Variants in SKOR2 observed in about 807,000 individuals in gnomAD.
The protein encoded by SKOR2 is SKI family transcriptional corepressor 2.
SKOR2 carries 47 observed loss-of-function variants against 69.1 expected under a neutral mutation model. That is an observed-to-expected ratio of 0.68 (90% CI 0.54 to 0.87). The LOEUF is 0.87. SKOR2 is among the 40% of genes least tolerant of loss of function. The pLI is 0.00. For synonymous variants in SKOR2, 717 were observed against 672.6 expected, an observed-to-expected ratio of 1.07 and a Z score of -1.02; for missense variants, 1,404 against 1,472.2, an observed-to-expected ratio of 0.95 and a Z score of 0.76.
intron 7 of SKOR2, among the ~76,000 whole-genome samples, chr18:47,217,381 T>C (rs1206248413): frequency 2.0e-5 from 3 of 152,228 alleles, no homozygotes; most frequent in Admixed American, 6.5e-5. Flanking sequence ...TAATGAACTA[T>C]ATGGGATGGG....
In SKOR2 at chr18:47,246,764, G is replaced by C. The variant is rs1289731580; in HGVS notation, c.2420C>G (p.Ala807Gly). The C allele has an allele frequency of 1.4e-6, 2 of 1,403,840 alleles. No individual in the cohort carries two copies. The highest frequency in any genetic ancestry group is 1.8e-6 in the Non-Finnish European group (2 of 1,088,950). The allele number at this position is 1,403,840 out of a possible 1,614,324, so 87.0% of individuals were successfully genotyped here. A position where few individuals can be genotyped will look rare whatever the true frequency, so the allele number is the denominator to read the frequency against. ...GSSRDRAPAV[A>G]GAFPLGLNSS... Reference sequence around the variant, plus strand: ...GTTCAGGCCGAGCGGGAACGCGCCCGCGACGGCCGGCGCGCGGTCCCGGCT... The same window carrying C: ...GTTCAGGCCGAGCGGGAACGCGCCCCCGACGGCCGGCGCGCGGTCCCGGCT... The change falls in exon 2 of 9, where the codon GCG (alanine) becomes GGG (glycine). Residue 807 changes from alanine to glycine, a missense_variant. By Grantham distance (60) the Ala-to-Gly change is moderately conservative. Coordinates refer to ENST00000425639, the MANE Select transcript of SKOR2 (RefSeq NM_001278063.4).
In SKOR2 at chr18:47,246,624, G is replaced by GGCT. The variant is rs1247298187; in HGVS notation, c.2557_2559dup (p.Ser853dup). 7 of 1,522,274 alleles carry GGCT rather than the reference G, an allele frequency of 4.6e-6. No individual in the cohort carries two copies. Among genetic ancestry groups the GGCT allele is most frequent in the Non-Finnish European group, 6.1e-6 (7 of 1,141,480 alleles). 94.3% of individuals were successfully genotyped at this position (1,522,274 alleles called of 1,614,324 possible). On this transcript the variant is annotated inframe_insertion, in exon 2 of 9. Transcript: ENST00000425639. Reference sequence around the variant, plus strand: ...GATGGATGGTGAACTGGGCTGCCCGGGCTGCTGCTGCCGCCGCCACTCGCC... The same window carrying GGCT: ...GATGGATGGTGAACTGGGCTGCCCGGGCTGCTGCTGCTGCCGCCGCCACTCGCC...
At chr18:47,230,880 C>T (rs774645895) in intron 5 of SKOR2, 55 bp downstream of exon 5, 29 of 1,490,248 alleles carry the variant, frequency 1.9e-5, no homozygotes, top group Non-Finnish European at 2.4e-5. Flanking sequence ...CTCCTATTAT[C>T]TCCACAGTCG....
In SKOR2 at chr18:47,210,387, T is replaced by A. The variant is rs181372476; in HGVS notation, c.*3+1699A>T. The stretch of plus-strand genomic sequence containing the variant: ...CCCTGAGTGAGTGCAATTCACTGAG[T>A]TTTGATTCGTAAACCTCATGATTTG... On this transcript the variant is annotated intron_variant, in intron 8 of 8. Transcript: ENST00000425639. Among the ~76,000 whole-genome samples, 58 of 152,246 alleles carry A rather than the reference T, an allele frequency of 3.8e-4. No individual in the cohort carries two copies. The East Asian group carries it at 8.9e-3, about 23-fold the overall frequency.
intron 7 of SKOR2, among the ~76,000 whole-genome samples, chr18:47,215,559 T>A (rs2064141464): frequency 1.3e-5 from 2 of 152,174 alleles, no homozygotes. Flanking sequence ...CCTGTGACGA[T>A]GCACTGCACT....
chr18:47,220,854 A>G (rs1317539770), intron 6 of SKOR2, among the ~76,000 whole-genome samples: 1 of 152,142 alleles, frequency 6.6e-6, no homozygotes, highest in Non-Finnish European at 1.5e-5. Flanking sequence ...CAGCTTGAGG[A>G]AACCAGAAAC....
chr18:47,211,939 A>C (rs1373953023), intron 8 of SKOR2, 147 bp downstream of exon 8: 1 of 604,114 alleles, frequency 1.7e-6, no homozygotes, highest in Non-Finnish European at 2.4e-6. Context: ...ATCCCCAGAC[A>C]TAATGAAGTT....
intron 6 of SKOR2, among the ~76,000 whole-genome samples, chr18:47,220,743 C>T (rs910608686): frequency 1.3e-5 from 2 of 152,184 alleles, no homozygotes; most frequent in Non-Finnish European, 2.9e-5. Flanking sequence ...ATCTTCTCCA[C>T]GTGATCCTTT....
intron 6 of SKOR2, among the ~76,000 whole-genome samples, chr18:47,227,326 ATTTTTTTTTTTTTTTT>A (rs778462203): frequency 1.5e-4 from 14 of 91,132 alleles, no homozygotes; most frequent in African/African-American, 7.6e-4. Context: ...CAAGAAGCCA[ATTTTTTTTTTTTTTTT>A]TTTTTTTTTT....
chr18:47,213,532 G>A (rs903106941), intron 7 of SKOR2, among the ~76,000 whole-genome samples: 3 of 151,448 alleles, frequency 2.0e-5, no homozygotes, highest in African/African-American at 7.3e-5. Flanking sequence ...TGATGCTAGT[G>A]GCTAAAAAGA....
At chr18:47,230,264 G>T (rs1304460450) in intron 6 of SKOR2, among the ~76,000 whole-genome samples, 195 bp downstream of exon 6, 1 of 151,924 alleles carries the variant, frequency 6.6e-6, no homozygotes, top group African/African-American at 2.4e-5. Context: ...ATACCAAAAG[G>T]TTCTTGGAAG....
intron 7 of SKOR2, 108 bp downstream of exon 7, chr18:47,219,835 G>T: frequency 1.0e-6 from 1 of 955,924 alleles, no homozygotes; most frequent in Non-Finnish European, 1.6e-6. Context: ...TGAGAGGTAA[G>T]TGGACCAAAG....
rs185297625 is a variant in SKOR2, at chr18:47,231,630, C to T, written c.2753-630G>A. ...ATGCCGAGGCGGGCAGATCACTTGACGTCAGGAGTTCAAGACCAGCCTGAC... is the reference window on the plus strand; with the variant it reads ...ATGCCGAGGCGGGCAGATCACTTGATGTCAGGAGTTCAAGACCAGCCTGAC... On this transcript the variant is annotated intron_variant, in intron 4 of 8. Transcript: ENST00000425639. 6.9e-3 allele frequency among the ~76,000 whole-genome samples: 1,042 copies of T among 152,056 alleles called. 3 individuals carry two copies. The highest frequency in any genetic ancestry group is 0.011 in the Non-Finnish European group (779 of 67,986).
chr18:47,236,967 A>G (rs1367159089), intron 4 of SKOR2, among the ~76,000 whole-genome samples: 1 of 152,158 alleles, frequency 6.6e-6, no homozygotes, highest in Non-Finnish European at 1.5e-5. Context: ...TCAGCTAGAA[A>G]ATATACTTTC....
intron 8 of SKOR2, among the ~76,000 whole-genome samples, chr18:47,209,271 C>T (rs1356970525): frequency 6.6e-6 from 1 of 152,146 alleles, no homozygotes; most frequent in Admixed American, 6.5e-5. Context: ...CACTGGGTGG[C>T]AAGAACACTG....
Position 47,247,852 on chromosome 18 carries a change from C to T in SKOR2, c.1332G>A (p.Ala444=). ...GGCCGGACAAGCCGGCCTTGGGCGC[C>T]GCGCCCGCGCCGCCTGCGCCCGCGC... is the stretch of plus-strand genomic sequence containing the variant. ...LGGAGAGGAG[A]APKAGLSGLF... is the part of the protein sequence containing the mutation. Residue 444 remains alanine, a synonymous_variant, in exon 2 of 9, where the codon GCG becomes GCA. Coordinates refer to ENST00000425639, the MANE Select transcript of SKOR2 (RefSeq NM_001278063.4). This position sits in a 1 kb window ranked among gnomAD's most constrained non-coding sequence, Gnocchi z 6.6. 3 of 1,359,170 alleles carry T rather than the reference C, an allele frequency of 2.2e-6. No individual in the cohort carries two copies. Among genetic ancestry groups the T allele is most frequent in the South Asian group, 1.8e-5 (1 of 55,580 alleles). The allele number at this position is 1,359,170 out of a possible 1,614,324, so 84.2% of individuals were successfully genotyped here. A position where few individuals can be genotyped will look rare whatever the true frequency, so the allele number is the denominator to read the frequency against.
At position 47,246,635 on chromosome 18, in the gene SKOR2, C is replaced by A; in HGVS notation, c.2549G>T (p.Gly850Val). ...AACTGGGCTGCCCGGGCTGCTGCTGCCGCCGCCACTCGCCTTCTGGGGGGC... is the reference window on the plus strand; with the variant it reads ...AACTGGGCTGCCCGGGCTGCTGCTGACGCCGCCACTCGCCTTCTGGGGGGC... ...PLAPQKASGG[G>V]SSSPGSPVHH... The change falls in exon 2 of 9, where the codon GGC (glycine) becomes GTC (valine). Residue 850 changes from glycine to valine, a missense_variant. Gly to Val is a moderately radical substitution (Grantham distance 109). This residue lies in a region of SKOR2 where 1,266 missense variants were observed against 1,309.9 expected (regional missense o/e 0.97). Coordinates refer to ENST00000425639, the MANE Select transcript of SKOR2 (RefSeq NM_001278063.4). The A allele has an allele frequency of 1.3e-6, 2 of 1,520,458 alleles. No homozygotes were observed. Among genetic ancestry groups the A allele is most frequent in the South Asian group, 1.2e-5 (1 of 83,388 alleles). The allele number at this position is 1,520,458 out of a possible 1,614,324, so 94.2% of individuals were successfully genotyped here. A position where few individuals can be genotyped will look rare whatever the true frequency, so the allele number is the denominator to read the frequency against.
intron 4 of SKOR2, among the ~76,000 whole-genome samples, chr18:47,243,653 AGT>A (rs2064258749): frequency 6.6e-6 from 1 of 152,200 alleles, no homozygotes; most frequent in South Asian, 2.1e-4. Flanking sequence ...GTGACTTTAG[AGT>A]GTAACAGGAA....
At position 47,211,957 on chromosome 18, in the gene SKOR2, A is replaced by G. The variant is rs1019063351; in HGVS notation, c.*3+129T>C. ...CCCAGACATAATGAAGTTTATTGGT[A>G]TATTGACTCAAACACAGGATGCAAC... is the stretch of plus-strand genomic sequence containing the variant. On this transcript the variant is annotated intron_variant, in intron 8 of 8. Coordinates refer to ENST00000425639, the MANE Select transcript of SKOR2 (RefSeq NM_001278063.4). The G allele has an allele frequency of 8.0e-6, 6 of 752,742 alleles. No individual in the cohort carries two copies. In the East Asian group the frequency reaches 1.4e-4, roughly 17 times the overall value. 46.6% of individuals were successfully genotyped at this position (752,742 alleles called of 1,614,324 possible). A position where few individuals can be genotyped will look rare whatever the true frequency, so the allele number is the denominator to read the frequency against.
Sources: gnomAD v4.1 joint callset for allele counts (sites outside exome capture counted in the v4.1 genomes callset) on GRCh38, gnomAD v4.1.1 for gene constraint, gnomAD v4.1.1 regional missense constraint, Gnocchi (gnomAD v3.1) non-coding constraint, MANE v1.5 for transcripts, NCBI Gene and HGNC (gene_info 2026-07-23, HGNC 2026-07-21) for gene names.